NRXN1: variants seen among roughly 807,000 people sequenced by gnomAD.
NRXN1 encodes the protein neurexin 1.
Under a neutral mutation model 150.9 loss-of-function variants are expected in NRXN1, and 39 were observed. The observed-to-expected ratio is 0.26, with a 90% CI of 0.20 to 0.34. The LOEUF is 0.34. NRXN1 is among the 10% of genes least tolerant of loss of function. The pLI, the probability that NRXN1 is intolerant of heterozygous loss-of-function variation, is 1.00. For synonymous variants in NRXN1, 924 were observed against 757.0 expected (o/e 1.22, Z -3.62); for missense variants, 1,815 against 1,949.9 (o/e 0.93, Z 1.30).
intron 19 of NRXN1, among the ~76,000 whole-genome samples, chr2:50,065,893 C>A (rs1009224670): frequency 1.3e-5 from 2 of 152,110 alleles, no homozygotes; most frequent in South Asian, 2.1e-4. Context: ...ATTGACTTGT[C>A]AGAGAAAAAG....
rs573179773 is a variant in NRXN1, at chr2:50,971,578, G to A, written c.773-45623C>T. On this transcript the variant is annotated intron_variant, in intron 2 of 22. Transcript: ENST00000401669. The stretch of plus-strand genomic sequence containing the variant: ...AGCCTGGGTGACAAGAGCAAGACTC[G>A]ATCTCAAAAAAATTAATAAAATAAA... Among the ~76,000 whole-genome samples the A allele has an allele frequency of 1.8e-4, 27 of 151,326 alleles. No homozygotes were observed. In the South Asian group the frequency reaches 4.4e-3, roughly 24 times the overall value.
chr2:49,925,552 A>G (rs1406699273), intron 22 of NRXN1, among the ~76,000 whole-genome samples: 1 of 152,110 alleles, frequency 6.6e-6, no homozygotes, highest in Non-Finnish European at 1.5e-5. Context: ...AGGTAAATGC[A>G]GTCATCTCAT....
intron 17 of NRXN1, among the ~76,000 whole-genome samples, chr2:50,378,285 A>G (rs114774854): frequency 0.011 from 1,673 of 152,288 alleles, 37 homozygotes; most frequent in African/African-American, 0.039. Context: ...GCTGATATTC[A>G]TTGACTATTC....
At position 50,403,134 on chromosome 2, in the gene NRXN1, G is replaced by C. The variant is rs544123323; in HGVS notation, c.3364+62308C>G. ...CCTACAACATCACCTGGTTTCCAAG[G>C]ACTTACTTGGGTACCTTTGAACAAT... On this transcript the variant is annotated intron_variant, in intron 17 of 22. Transcript: ENST00000401669. Among the ~76,000 whole-genome samples, 5 of 152,042 alleles carry C rather than the reference G, an allele frequency of 3.3e-5. No individual in the cohort carries two copies. In the South Asian group the frequency reaches 1.0e-3, roughly 31 times the overall value.
chr2:50,579,075 A>G (rs1671861931), intron 8 of NRXN1, among the ~76,000 whole-genome samples: 2 of 152,178 alleles, frequency 1.3e-5, no homozygotes, highest in Non-Finnish European at 1.5e-5. Context: ...CAAGATATTA[A>G]TATTTTCTTA....
chr2:50,419,911 G>A (rs2083841253), intron 17 of NRXN1, among the ~76,000 whole-genome samples: 1 of 151,980 alleles, frequency 6.6e-6, no homozygotes, highest in South Asian at 2.1e-4. Flanking sequence ...CTGTATCCCA[G>A]CTAATGCTTC....
rs62142981 is a variant in NRXN1, at chr2:50,921,602, G to A, written c.832+267C>T. On this transcript the variant is annotated intron_variant, in intron 5 of 22. Transcript: ENST00000401669. ...AAATGATACTGCAGAAACTGACACC[G>A]AAACTTGTAGCTAATTTCTAAATAT... Among the ~76,000 whole-genome samples, 12,287 of 151,572 alleles carry A rather than the reference G, an allele frequency of 0.081. 548 individuals carry two copies. The highest frequency in any genetic ancestry group is 0.12 in the South Asian group (564 of 4,820).
intron 5 of NRXN1, among the ~76,000 whole-genome samples, chr2:50,712,429 A>G (rs1695289613): frequency 6.6e-6 from 1 of 152,164 alleles, no homozygotes; most frequent in African/African-American, 2.4e-5. Flanking sequence ...CTCCTGTATC[A>G]GTGTAATAGC....
intron 17 of NRXN1, among the ~76,000 whole-genome samples, chr2:50,328,610 C>G (rs1232655756): frequency 6.6e-6 from 1 of 152,006 alleles, no homozygotes; most frequent in Non-Finnish European, 1.5e-5. Context: ...GTGGTGGGCA[C>G]CTGTAATCCC....
At chr2:50,798,447 T>G (rs573062856) in intron 5 of NRXN1, among the ~76,000 whole-genome samples, 1 of 152,258 alleles carries the variant, frequency 6.6e-6, no homozygotes, top group South Asian at 2.1e-4. Flanking sequence ...AATGATAACT[T>G]TATATGTGTA....
intron 2 of NRXN1, among the ~76,000 whole-genome samples, chr2:50,964,888 G>C (rs1693806035): frequency 6.6e-6 from 1 of 151,394 alleles, no homozygotes; most frequent in East Asian, 1.9e-4. Context: ...AATCAGGGGA[G>C]TGAAATATGA....
At chr2:50,241,722 A>G (rs75300654) in intron 17 of NRXN1, among the ~76,000 whole-genome samples, 3,042 of 151,944 alleles carry the variant, frequency 0.02, 95 homozygotes, top group African/African-American at 0.07. Context: ...CTGTGATGTT[A>G]TAATCAGGGA....
intron 18 of NRXN1, among the ~76,000 whole-genome samples, chr2:50,098,744 G>A (rs895642190): frequency 1.3e-5 from 2 of 150,856 alleles, no homozygotes; most frequent in African/African-American, 4.9e-5. Context: ...CAGTGTTCCA[G>A]GAAAATGTCT....
intron 5 of NRXN1, among the ~76,000 whole-genome samples, chr2:50,834,343 A>G (rs1671807380): frequency 6.6e-6 from 1 of 152,186 alleles, no homozygotes; most frequent in South Asian, 2.1e-4. Context: ...ATGGTTTAGG[A>G]GTACATTTTG....
chr2:50,822,950 T>G (rs771131878), intron 5 of NRXN1, among the ~76,000 whole-genome samples: 1 of 152,194 alleles, frequency 6.6e-6, no homozygotes, highest in Non-Finnish European at 1.5e-5. Context: ...TGGGCTACCA[T>G]GTATATTTTC....
chr2:50,077,527 C>T (rs542625799), intron 19 of NRXN1, among the ~76,000 whole-genome samples: 4 of 152,092 alleles, frequency 2.6e-5, no homozygotes, highest in Non-Finnish European at 5.9e-5. Context: ...AATGCACTCT[C>T]GTCCAAGTCC....
At chr2:50,466,446 C>G in intron 16 of NRXN1, 1 of 473,802 alleles carries the variant, frequency 2.1e-6, no homozygotes, top group Non-Finnish European at 4.4e-6. Context: ...GTTATATACA[C>G]ACAGGGCTAT....
chr2:50,553,355 G>C (rs1422553188), intron 8 of NRXN1, among the ~76,000 whole-genome samples: 1 of 152,094 alleles, frequency 6.6e-6, no homozygotes, highest in African/African-American at 2.4e-5. Context: ...GCTAAGACTT[G>C]AACTTATAAA....
In NRXN1 at chr2:50,020,617, T is replaced by A. The variant is rs72834732; in HGVS notation, c.4128+32654A>T. 6.2e-3 allele frequency among the ~76,000 whole-genome samples: 950 copies of A among 152,326 alleles called. 7 individuals carry two copies. The highest frequency in any genetic ancestry group is 9.5e-3 in the Non-Finnish European group (645 of 68,010). Reference sequence around the variant, plus strand: ...GATAATTCCATATACATCTTTAAAATCAAAATGCTCTGTTTCACTTCTCAG... The same window carrying A: ...GATAATTCCATATACATCTTTAAAAACAAAATGCTCTGTTTCACTTCTCAG... On this transcript the variant is annotated intron_variant, in intron 21 of 22. Coordinates refer to ENST00000401669, the MANE Select transcript of NRXN1 (RefSeq NM_001330078.2).
Sources: gnomAD v4.1 joint callset for allele counts (sites outside exome capture counted in the v4.1 genomes callset) on GRCh38, gnomAD v4.1.1 for gene constraint, MANE v1.5 for transcripts, NCBI Gene and HGNC (gene_info 2026-07-23, HGNC 2026-07-21) for gene names.